Variants in PEX14 observed in about 807,000 individuals in gnomAD.
The protein encoded by PEX14 is peroxisomal biogenesis factor 14, also known as peroxisomal membrane protein PEX14.
A neutral mutation model predicts 49.5 loss-of-function variants in PEX14; 15 were observed. The observed-to-expected ratio is 0.30, with a 90% CI of 0.20 to 0.47. The LOEUF (loss-of-function observed/expected upper bound fraction) is 0.47, where lower values mean the gene tolerates loss of function less well. Among genes scored for constraint, PEX14 ranks in the 20% least tolerant of loss-of-function variants. PEX14 has a pLI of 1.00. For synonymous variants in PEX14, 210 were observed against 212.7 expected, an observed-to-expected ratio of 0.99 and a Z score of 0.11; for missense variants, 398 against 494.8, an observed-to-expected ratio of 0.80 and a Z score of 1.86.
chr1:10,614,241 T>G (rs560115653), intron 4 of PEX14, among the ~76,000 whole-genome samples: 41 of 152,352 alleles, frequency 2.7e-4, no homozygotes, highest in African/African-American at 9.4e-4. Context: ...CAAGACAGAA[T>G]TGTATCACAC....
rs61635531 is a variant in PEX14 at position 10,591,635 on chromosome 1, CTGTGTG to C, written c.170-7566_170-7561del. ...CCTCCTTTTCTTTCAGGTATACACA[CTGTGTG>C]TGTGTGTGTGTGTGTGTGTGTGTGT... is the stretch of plus-strand genomic sequence containing the variant. On this transcript the variant is annotated intron_variant, in intron 3 of 8. Coordinates refer to ENST00000356607, the MANE Select transcript of PEX14 (RefSeq NM_004565.3). Among the ~76,000 whole-genome samples, 666 of 139,732 alleles carry C rather than the reference CTGTGTG, an allele frequency of 4.8e-3. 8 individuals carry two copies. Among genetic ancestry groups the C allele is most frequent in the African/African-American group, 0.016 (584 of 37,296 alleles). The allele number at this position is 139,732 out of a possible 152,430, so 91.7% of individuals were successfully genotyped here. A position where few individuals can be genotyped will look rare whatever the true frequency, so the allele number is the denominator to read the frequency against.
chr1:10,524,013 T>C (rs1211559452), intron 2 of PEX14, among the ~76,000 whole-genome samples: 1 of 152,182 alleles, frequency 6.6e-6, no homozygotes, highest in Non-Finnish European at 1.5e-5. Flanking sequence ...TGTTTTGGTA[T>C]CATTTTTTTA....
chr1:10,530,201 A>C (rs1638606533), intron 2 of PEX14, among the ~76,000 whole-genome samples: 2 of 152,226 alleles, frequency 1.3e-5, no homozygotes, highest in African/African-American at 2.4e-5. Flanking sequence ...AGTACAAAAA[A>C]AATTCCTGTC....
intron 3 of PEX14, among the ~76,000 whole-genome samples, chr1:10,563,410 A>T (rs1017339460): frequency 1.3e-5 from 2 of 149,332 alleles, no homozygotes; most frequent in African/African-American, 4.9e-5. Context: ...GACCAGCCTG[A>T]CCAACATGAA....
intron 3 of PEX14, among the ~76,000 whole-genome samples, chr1:10,559,730 C>T (rs1639595754): frequency 1.3e-5 from 2 of 152,198 alleles, no homozygotes; most frequent in South Asian, 2.1e-4. Context: ...ATTTATTCTA[C>T]AGAACTAGAG....
At chr1:10,593,156 C>T (rs988175161) in intron 3 of PEX14, among the ~76,000 whole-genome samples, 1 of 152,034 alleles carries the variant, frequency 6.6e-6, no homozygotes, top group Non-Finnish European at 1.5e-5. Context: ...TTTTCTTCCA[C>T]ATTTAATGTA....
Position 10,524,867 on chromosome 1 carries a change from T to G in PEX14, c.85-11346T>G, listed in dbSNP as rs142249382. On this transcript the variant is annotated intron_variant, in intron 2 of 8. Coordinates refer to ENST00000356607, the MANE Select transcript of PEX14 (RefSeq NM_004565.3). ...AAGCTATTTAAAAAAAACAAATTTT[T>G]TTTTGAAACAATGGAGTCTCGTTAT... is the stretch of plus-strand genomic sequence containing the variant. Among the ~76,000 whole-genome samples the G allele has an allele frequency of 1.6e-3, 244 of 152,316 alleles. 2 individuals are homozygous for G. Among genetic ancestry groups the G allele is most frequent in the African/African-American group, 5.7e-3 (235 of 41,558 alleles).
rs1052061275 is a variant in PEX14 at position 10,623,315 on chromosome 1, G to A, written c.487+194G>A. The A allele has an allele frequency of 8.7e-6, 5 of 576,104 alleles. No homozygotes were observed. Among genetic ancestry groups the A allele is most frequent in the South Asian group, 1.8e-5 (1 of 54,194 alleles). The allele number at this position is 576,104 out of a possible 1,614,324, so 35.7% of individuals were successfully genotyped here. A position where few individuals can be genotyped will look rare whatever the true frequency, so the allele number is the denominator to read the frequency against. ...GAAATTGCTTGTTTACTGTCGGCGC[G>A]GCCTCAATTAATTATGTTTTTACGG... On this transcript the variant is annotated intron_variant, in intron 6 of 8. Coordinates refer to ENST00000356607, the MANE Select transcript of PEX14 (RefSeq NM_004565.3). This position sits in a 1 kb window ranked among gnomAD's most constrained non-coding sequence, Gnocchi z 4.4.
At chr1:10,489,370 G>A (rs778553219) in intron 1 of PEX14, among the ~76,000 whole-genome samples, 3 of 152,202 alleles carry the variant, frequency 2.0e-5, no homozygotes, top group Admixed American at 6.5e-5. Context: ...AGTGCTTAAA[G>A]CTTTTTTCTT....
intron 4 of PEX14, among the ~76,000 whole-genome samples, chr1:10,603,974 A>C (rs886482994): frequency 6.6e-6 from 1 of 152,152 alleles, no homozygotes; most frequent in African/African-American, 2.4e-5. Context: ...TCCTCTGTTT[A>C]TTTCTTTTGT....
At chr1:10,541,952 T>G (rs921689795) in intron 3 of PEX14, among the ~76,000 whole-genome samples, 2 of 152,212 alleles carry the variant, frequency 1.3e-5, no homozygotes, top group Admixed American at 6.5e-5. Flanking sequence ...GAGGGAACAC[T>G]TTCAGATTTA....
rs372630614 is a variant in PEX14 at position 10,618,414 on chromosome 1, C to T, written c.381C>T (p.Tyr127=). 2.0e-4 allele frequency: 324 copies of T among 1,610,784 alleles called. No homozygotes were observed. The highest frequency in any genetic ancestry group is 2.3e-4 in the Non-Finnish European group (271 of 1,177,586). ...TTGCATTTGGCTTTCACCAGCTCTA[C>T]AAGGTGAGTCACCCCCAGCGGCTGC... The part of the protein sequence containing the change: ...AGIAFGFHQL[Y]KKYLLPLILG... Residue 127 remains tyrosine (Y), a synonymous_variant, in exon 5 of 9, where the codon TAC becomes TAT. Transcript: ENST00000356607.
intron 2 of PEX14, among the ~76,000 whole-genome samples, chr1:10,521,295 T>A (rs182580755): frequency 5.0e-4 from 76 of 152,284 alleles, no homozygotes; most frequent in African/African-American, 1.8e-3. Context: ...TTTTCCCTAA[T>A]AAAATATCCT....
At chr1:10,542,985 T>C (rs897987631) in intron 3 of PEX14, among the ~76,000 whole-genome samples, 3 of 152,182 alleles carry the variant, frequency 2.0e-5, no homozygotes, top group Non-Finnish European at 4.4e-5. Flanking sequence ...TTATGTTTCA[T>C]AGTAAAGAAG....
At chr1:10,499,110 A>C (rs1439718777) in intron 2 of PEX14, among the ~76,000 whole-genome samples, 1 of 152,252 alleles carries the variant, frequency 6.6e-6, no homozygotes. Flanking sequence ...GGATACTGAA[A>C]CTTGGGTTAA....
chr1:10,539,646 T>G lies in PEX14; in HGVS notation c.169+3349T>G, dbSNP rs1394991149. 6.6e-6 allele frequency among the ~76,000 whole-genome samples: 1 copy of G among 152,184 alleles called. No homozygotes were observed. Among genetic ancestry groups the G allele is most frequent in the Non-Finnish European group, 1.5e-5 (1 of 68,036 alleles). ...CAGGCAGGCATCATATCTGGGGCTT[T>G]AAGCAGGCTGCAATCCAGGAGGTTA... On this transcript the variant is annotated intron_variant, in intron 3 of 8. Coordinates refer to ENST00000356607, the MANE Select transcript of PEX14 (RefSeq NM_004565.3). This position sits in a 1 kb window ranked among gnomAD's most constrained non-coding sequence, Gnocchi z 4.6.
At chr1:10,506,012 G>T (rs1641776153) in intron 2 of PEX14, among the ~76,000 whole-genome samples, 1 of 152,096 alleles carries the variant, frequency 6.6e-6, no homozygotes, top group Non-Finnish European at 1.5e-5. Context: ...TGAAGCAGGG[G>T]TATCAATAAG....
At chr1:10,513,113 A>C (rs1641912952) in intron 2 of PEX14, among the ~76,000 whole-genome samples, 1 of 152,144 alleles carries the variant, frequency 6.6e-6, no homozygotes, top group Non-Finnish European at 1.5e-5. Flanking sequence ...GGAGAGTGTG[A>C]GAGTGTTTTC....
chr1:10,571,634 C>A (rs563823206), intron 3 of PEX14, among the ~76,000 whole-genome samples: 2 of 152,172 alleles, frequency 1.3e-5, no homozygotes, highest in African/African-American at 4.8e-5. Context: ...CAGGATGAAA[C>A]CCCATCTCTA....
Sources: allele counts gnomAD v4.1 joint callset (sites outside exome capture counted in the v4.1 genomes callset), GRCh38; gene constraint gnomAD v4.1.1; non-coding constraint Gnocchi (gnomAD v3.1); transcripts MANE v1.5; gene names NCBI Gene and HGNC (gene_info 2026-07-23, HGNC 2026-07-21).